Variants in ELK3 observed in about 807,000 individuals in gnomAD.
ELK3 encodes ETS transcription factor ELK3.
Under a neutral mutation model 28.9 loss-of-function variants are expected in ELK3, and 10 were observed. The ratio of observed to expected loss-of-function variants is 0.35; its 90% CI spans 0.21 to 0.59. ELK3 has a LOEUF of 0.59. Among genes scored for constraint, ELK3 ranks in the 20% least tolerant of loss-of-function variants. The pLI, the probability that ELK3 is intolerant of heterozygous loss-of-function variation, is 0.82. For missense variants in ELK3, 463 were observed against 517.3 expected (o/e 0.90, Z 1.02); for synonymous variants, 272 against 243.5 (o/e 1.12, Z -1.09).
chr12:96,232,381 C>T (rs943262910), intron 2 of ELK3, among the ~76,000 whole-genome samples: 1 of 151,700 alleles, frequency 6.6e-6, no homozygotes, highest in Admixed American at 6.6e-5. Context: ...CCATTCCGGC[C>T]AACATGGTGA....
chr12:96,236,385 C>T (rs1189627956), intron 2 of ELK3, among the ~76,000 whole-genome samples: 1 of 152,194 alleles, frequency 6.6e-6, no homozygotes, highest in Admixed American at 6.5e-5. Context: ...GGATGAAGAG[C>T]GCCTCAACTT....
intron 1 of ELK3, among the ~76,000 whole-genome samples, chr12:96,215,542 G>T (rs563255010): frequency 2.6e-5 from 4 of 151,718 alleles, no homozygotes; most frequent in Non-Finnish European, 4.4e-5. Flanking sequence ...TCTGTCAATA[G>T]CATCTTTCTT....
chr12:96,248,031 G>A (rs901904683), intron 3 of ELK3, among the ~76,000 whole-genome samples: 11 of 152,280 alleles, frequency 7.2e-5, no homozygotes, highest in East Asian at 3.9e-4. Flanking sequence ...TCTCACCAGC[G>A]ATTTCCAAGG....
chr12:96,218,216 C>T (rs1951634068), intron 1 of ELK3, among the ~76,000 whole-genome samples: 1 of 152,024 alleles, frequency 6.6e-6, no homozygotes. Context: ...AGAGACCAGC[C>T]AGAGACGGGA....
intron 2 of ELK3, 185 bp downstream of exon 2, chr12:96,223,958 TG>T (rs1951681431): frequency 1.6e-6 from 1 of 625,382 alleles, no homozygotes; most frequent in Non-Finnish European, 2.7e-6. Context: ...GGACGCCCTT[TG>T]GATATTACTG....
intron 1 of ELK3, among the ~76,000 whole-genome samples, chr12:96,196,811 G>A (rs1416653560): frequency 6.7e-6 from 1 of 148,382 alleles, no homozygotes; most frequent in African/African-American, 2.5e-5. Context: ...ACTAAAAAGG[G>A]TCAAAAGGAA....
rs1308869125 is a variant in ELK3 at position 96,225,055 on chromosome 12, G to T, written c.207+1282G>T. On this transcript the variant is annotated intron_variant, in intron 2 of 4. Transcript: ENST00000228741. The stretch of plus-strand genomic sequence containing the variant: ...TTAATTAATCCTGACTTACTGCAGA[G>T]TCCTACTAAGATATAAAAGCACTTC... Among the ~76,000 whole-genome samples, 3 of 152,144 alleles carry T rather than the reference G, an allele frequency of 2.0e-5. No individual in the cohort carries two copies. In the East Asian group the frequency reaches 5.8e-4, roughly 29 times the overall value.
intron 2 of ELK3, among the ~76,000 whole-genome samples, chr12:96,227,723 A>C (rs1951713789): frequency 6.6e-6 from 1 of 152,190 alleles, no homozygotes; most frequent in African/African-American, 2.4e-5. Context: ...TCAGATTATA[A>C]TAACGAGGTA....
At chr12:96,223,849 A>G (rs960953886) in intron 2 of ELK3, 76 bp downstream of exon 2, 23 of 1,414,418 alleles carry the variant, frequency 1.6e-5, no homozygotes, top group Non-Finnish European at 2.3e-5. Flanking sequence ...ATGAAAGAAA[A>G]TAATAGCGTG....
At chr12:96,232,291 C>T (rs1951747182) in intron 2 of ELK3, among the ~76,000 whole-genome samples, 1 of 152,178 alleles carries the variant, frequency 6.6e-6, no homozygotes, top group Non-Finnish European at 1.5e-5. Context: ...TAAAAGCTGG[C>T]TGGGTGCGGT....
At chr12:96,205,761 G>T (rs1951534825) in intron 1 of ELK3, among the ~76,000 whole-genome samples, 1 of 152,168 alleles carries the variant, frequency 6.6e-6, no homozygotes, top group African/African-American at 2.4e-5. Context: ...TCATATCTTT[G>T]CTGCATGCAT....
chr12:96,212,779 G>A lies in ELK3; in HGVS notation c.-2-10786G>A, dbSNP rs1196690028. ...GAAGACTGCATAGTGCACACTCTGT[G>A]TGGCTACCGGTGAGCCACGTGGCGG... On this transcript the variant is annotated intron_variant, in intron 1 of 4. Coordinates refer to ENST00000228741, the MANE Select transcript of ELK3 (RefSeq NM_005230.4). 3 of 152,224 alleles carry A rather than the reference G, an allele frequency of 2.0e-5. No homozygotes were observed. In the East Asian group the frequency reaches 5.8e-4, roughly 29 times the overall value. 9.4% of individuals were successfully genotyped at this position (152,224 alleles called of 1,614,324 possible).
intron 2 of ELK3, among the ~76,000 whole-genome samples, chr12:96,228,172 CA>C (rs1951717071): frequency 6.6e-6 from 1 of 151,960 alleles, no homozygotes; most frequent in Non-Finnish European, 1.5e-5. Flanking sequence ...GTAATCCCAG[CA>C]CTTTGGGAGG....
intron 1 of ELK3, 87 bp from the exon 2 acceptor site, chr12:96,223,478 G>A (rs1951677194): frequency 1.6e-6 from 2 of 1,290,170 alleles, no homozygotes; most frequent in Non-Finnish European, 2.2e-6. Context: ...GGACAGCTGA[G>A]TTGCCCATTC....
intron 4 of ELK3, among the ~76,000 whole-genome samples, chr12:96,262,587 T>C (rs1952000702): frequency 6.6e-6 from 1 of 152,130 alleles, no homozygotes; most frequent in Non-Finnish European, 1.5e-5. Context: ...TTTTTGTGGC[T>C]GGATCCAGGA....
chr12:96,219,627 C>G (rs1204944804), intron 1 of ELK3, among the ~76,000 whole-genome samples: 1 of 152,188 alleles, frequency 6.6e-6, no homozygotes, highest in Non-Finnish European at 1.5e-5. Context: ...ACCTCTGCCA[C>G]AGACAACCAC....
chr12:96,220,382 ATTTTTT>A (rs35309478), intron 1 of ELK3, among the ~76,000 whole-genome samples: 8 of 100,324 alleles, frequency 8.0e-5, no homozygotes, highest in Admixed American at 5.0e-4. Flanking sequence ...CTTTTTCGTG[ATTTTTT>A]TTTTTTTTTT....
chr12:96,256,865 T>G (rs1312635459), intron 3 of ELK3, among the ~76,000 whole-genome samples: 1 of 152,128 alleles, frequency 6.6e-6, no homozygotes, highest in African/African-American at 2.4e-5. Flanking sequence ...TGGGCATGCC[T>G]GGATGCCAGC....
chr12:96,234,875 G>A (rs1356248444), intron 2 of ELK3, among the ~76,000 whole-genome samples: 1 of 152,172 alleles, frequency 6.6e-6, no homozygotes, highest in East Asian at 1.9e-4. Flanking sequence ...CACAGCTCCA[G>A]AGCCCTGGGC....
Sources: allele counts gnomAD v4.1 joint callset (sites outside exome capture counted in the v4.1 genomes callset), GRCh38; gene constraint gnomAD v4.1.1; transcripts MANE v1.5; gene names NCBI Gene and HGNC (gene_info 2026-07-23, HGNC 2026-07-21).